The following SYNE2 variants were observed in gnomAD, a reference collection of about 807,000 sequenced individuals.
SYNE2 encodes nesprin-2.
In SYNE2, 431 loss-of-function variants were observed where a neutral mutation model predicts 856.3. The ratio of observed to expected loss-of-function variants is 0.50; its 90% confidence interval spans 0.47 to 0.55. The LOEUF (loss-of-function observed/expected upper bound fraction) is 0.55, where lower values mean the gene tolerates loss of function less well. Among genes scored for constraint, SYNE2 ranks in the 20% least tolerant of loss-of-function variants. The pLI, the probability that SYNE2 is intolerant of heterozygous loss-of-function variation, is 0.00. For missense variants in SYNE2, 8,129 were observed against 8,023.2 expected (o/e 1.01, Z -0.50); for synonymous variants, 2,923 against 2,872.3 (o/e 1.02, Z -0.56).
At chr14:63,956,165 A>T (rs192964879) in intron 8 of SYNE2, among the ~76,000 whole-genome samples, 273 of 152,350 alleles carry the variant, frequency 1.8e-3, no homozygotes, top group South Asian at 3.3e-3. Flanking sequence ...TGTGTGATAA[A>T]TGCTACTGCT....
intron 96 of SYNE2, 51 bp from the exon 97 acceptor site, chr14:64,186,373 A>G: frequency 6.2e-7 from 1 of 1,612,692 alleles, no homozygotes; most frequent in Non-Finnish European, 8.5e-7. Context: ...TTTGGAAACA[A>G]CAGCCGCTTG....
At chr14:64,122,493 A>C in intron 70 of SYNE2, 66 bp downstream of exon 70, 2 of 1,604,136 alleles carry the variant, frequency 1.2e-6, no homozygotes, top group Non-Finnish European at 1.7e-6. Context: ...GCATTCATTA[A>C]ATAAACATGT....
intron 2 of SYNE2, among the ~76,000 whole-genome samples, chr14:63,912,146 A>G: frequency 6.6e-6 from 1 of 152,188 alleles, no homozygotes; most frequent in East Asian, 1.9e-4. Context: ...CCATACCTAT[A>G]AGATGAAGGC....
intron 1 of SYNE2, among the ~76,000 whole-genome samples, chr14:63,783,871 A>AATTAT (rs1887417005): frequency 6.6e-6 from 1 of 152,234 alleles, no homozygotes; most frequent in African/African-American, 2.4e-5. Context: ...AAATTTGAAC[A>AATTAT]GGGACTGTAG....
At chr14:64,117,424 G>C (rs376850794) in intron 66 of SYNE2, among the ~76,000 whole-genome samples, 12 of 151,948 alleles carry the variant, frequency 7.9e-5, no homozygotes, top group Non-Finnish European at 1.5e-4. Flanking sequence ...CCCAGTCTCC[G>C]GAATAGCTGG....
At chr14:64,209,909 T>G in intron 102 of SYNE2, 33 bp from the exon 103 acceptor site, 2 of 1,613,892 alleles carry the variant, frequency 1.2e-6, no homozygotes, top group Non-Finnish European at 8.5e-7. Flanking sequence ...GCACTCTGCA[T>G]GCTTTGGCTC....
chr14:63,888,505 A>G (rs941452330), intron 1 of SYNE2, among the ~76,000 whole-genome samples: 1 of 152,180 alleles, frequency 6.6e-6, no homozygotes, highest in Admixed American at 6.5e-5. Context: ...GCCTCATAGT[A>G]TCACTTGCCT....
At chr14:63,879,886 A>T (rs558734723) in intron 1 of SYNE2, among the ~76,000 whole-genome samples, 1 of 152,258 alleles carries the variant, frequency 6.6e-6, no homozygotes, top group Non-Finnish European at 1.5e-5. Context: ...CCAGCAAAGG[A>T]TATCGCAGTT....
chr14:63,958,852 T>C (rs1262236), intron 8 of SYNE2, among the ~76,000 whole-genome samples: 73,373 of 152,060 alleles, frequency 0.48, 18,722 homozygotes, highest in Non-Finnish European at 0.56. Context: ...TGTAATGCAA[T>C]ACTACTTCGT....
At position 64,153,395 on chromosome 14, in the gene SYNE2, T is replaced by A. The variant is rs571239716; in HGVS notation, c.15792+679T>A. On this transcript the variant is annotated intron_variant, in intron 85 of 115. Transcript: ENST00000555002. Reference sequence around the variant, plus strand: ...CAATTATACCAATCAATTGGTATAATCTATCAATGGTATAATCTATACCAT... The same window carrying A: ...CAATTATACCAATCAATTGGTATAAACTATCAATGGTATAATCTATACCAT... Among the ~76,000 whole-genome samples, 11 of 152,320 alleles carry A rather than the reference T, an allele frequency of 7.2e-5. No homozygotes were observed. The East Asian group carries it at 2.1e-3, about 29-fold the overall frequency.
intron 53 of SYNE2, among the ~76,000 whole-genome samples, chr14:64,074,407 T>G (rs915587801): frequency 6.6e-6 from 1 of 152,188 alleles, no homozygotes; most frequent in African/African-American, 2.4e-5. Context: ...TTCCAGTGTG[T>G]TTGGTGAACA....
chr14:63,963,774 G>A, intron 9 of SYNE2, 125 bp from the exon 10 acceptor site: 1 of 694,538 alleles, frequency 1.4e-6, no homozygotes, highest in Non-Finnish European at 2.6e-6. Flanking sequence ...ATTACTCTTT[G>A]GCATAATGAA....
chr14:63,858,296 A>AT (rs1892464817), intron 1 of SYNE2, among the ~76,000 whole-genome samples: 1 of 37,466 alleles, frequency 2.7e-5, no homozygotes, highest in African/African-American at 9.5e-5. Flanking sequence ...TTTTTTTTTG[A>AT]TTTTTAGTAG....
At chr14:63,850,175 G>A (rs1455807324), upstream of SYNE2, among the ~76,000 whole-genome samples, 1 of 149,882 alleles carries the variant, frequency 6.7e-6, no homozygotes, top group African/African-American at 2.5e-5. Context: ...TCTGCCTCCT[G>A]GGTTCAAGCG....
intron 8 of SYNE2, 47 bp downstream of exon 8, chr14:63,954,962 G>A: frequency 1.3e-6 from 2 of 1,491,834 alleles, no homozygotes; most frequent in Non-Finnish European, 1.9e-6. Context: ...GGCTTAGCAT[G>A]AAGTTGATTT....
chr14:63,878,550 T>C (rs1395688810), intron 1 of SYNE2, among the ~76,000 whole-genome samples: 1 of 131,786 alleles, frequency 7.6e-6, no homozygotes, highest in Admixed American at 8.3e-5. Context: ...ATTTTTATTT[T>C]TATTTTTTGT....
chr14:64,073,682 A>G (rs1418041799), intron 52 of SYNE2, among the ~76,000 whole-genome samples: 1 of 152,234 alleles, frequency 6.6e-6, no homozygotes, highest in Non-Finnish European at 1.5e-5. Context: ...CTCAAGGATT[A>G]CGTGGAGAAA....
intron 38 of SYNE2, chr14:64,023,111 G>C: frequency 2.3e-6 from 1 of 438,812 alleles, no homozygotes. Flanking sequence ...ACAAAAATTA[G>C]CTGGGTGTGG....
chr14:64,001,510 C>T (rs556303511), intron 28 of SYNE2, among the ~76,000 whole-genome samples: 1 of 152,236 alleles, frequency 6.6e-6, no homozygotes, highest in East Asian at 1.9e-4. Context: ...CATGGTGAAA[C>T]ACTGTCTGTA....
Sources: gnomAD v4.1 joint callset for allele counts (sites outside exome capture counted in the v4.1 genomes callset) on GRCh38, gnomAD v4.1.1 for gene constraint, MANE v1.5 for transcripts, NCBI Gene and HGNC (gene_info 2026-07-23, HGNC 2026-07-21) for gene names.